PCDHGA3: variants seen among roughly 807,000 people sequenced by gnomAD.
PCDHGA3 encodes the protein protocadherin gamma subfamily A, 3.
Under a neutral mutation model 58.5 loss-of-function variants are expected in PCDHGA3, and 40 were observed. The ratio of observed to expected loss-of-function variants is 0.68; its 90% CI spans 0.53 to 0.89. PCDHGA3 has a LOEUF of 0.89. Among genes scored for constraint, PCDHGA3 ranks in the 40% least tolerant of loss-of-function variants. The pLI is 0.00. For synonymous variants in PCDHGA3, 530 were observed against 525.7 expected (o/e 1.01, Z -0.11); for missense variants, 1,223 against 1,195.9 (o/e 1.02, Z -0.33).
At chr5:141,390,334 A>T (rs764594293) in intron 1 of PCDHGA3, 1 of 1,597,538 alleles carries the variant, frequency 6.3e-7, no homozygotes, top group Non-Finnish European at 8.5e-7. Flanking sequence ...ATTTCTCCAT[A>T]TTCACAAGAA....
chr5:141,470,123 C>T (rs368463710), intron 1 of PCDHGA3, among the ~76,000 whole-genome samples: 11 of 151,234 alleles, frequency 7.3e-5, no homozygotes, highest in Admixed American at 3.3e-4. Flanking sequence ...AGCAAGACTT[C>T]GTCTCAAAAA....
chr5:141,350,066 G>A, intron 1 of PCDHGA3: 1 of 416,630 alleles, frequency 2.4e-6, no homozygotes, highest in Non-Finnish European at 4.2e-6. Context: ...GGAAGTGAAG[G>A]CTTCTCAATT....
Position 141,349,813 on chromosome 5 carries a change from G to GA in PCDHGA3, c.2424+3363dup, listed in dbSNP as rs1195442727. On this transcript the variant is annotated intron_variant, in intron 1 of 3. Coordinates refer to ENST00000253812, the MANE Select transcript of PCDHGA3 (RefSeq NM_018916.4). Reference sequence around the variant, plus strand: ...AAGATTTTTTTTTACCCCCAAAACTGAAAAAAATGGCAGTGTACCTTGTGA... The same window carrying GA: ...AAGATTTTTTTTTACCCCCAAAACTGAAAAAAAATGGCAGTGTACCTTGTGA... Among the ~76,000 whole-genome samples, 5 of 151,524 alleles carry GA rather than the reference G, an allele frequency of 3.3e-5. No individual in the cohort carries two copies. The South Asian group carries it at 6.2e-4, about 19-fold the overall frequency.
At position 141,487,570 on chromosome 5, in the gene PCDHGA3, T is replaced by A; in HGVS notation, c.2425-7237T>A. 6.2e-7 allele frequency: 1 copy of A among 1,614,178 alleles called. No homozygotes were observed. On this transcript the variant is annotated intron_variant, in intron 1 of 3. Transcript: ENST00000253812. The surrounding 1 kb of genome is among the most constrained non-coding windows in gnomAD (Gnocchi z 5.0). ...CCAGTGCACCTATGGCAGGGGAGCCTGTTCGCCCAAGCTGCCCACCCTCTG... is the reference window on the plus strand; with the variant it reads ...CCAGTGCACCTATGGCAGGGGAGCCAGTTCGCCCAAGCTGCCCACCCTCTG...
intron 1 of PCDHGA3, chr5:141,392,978 C>T: frequency 1.9e-6 from 3 of 1,613,808 alleles, no homozygotes; most frequent in South Asian, 1.1e-5. Context: ...TGGGGCTGGA[C>T]CCCCGGAAGC....
In PCDHGA3 at chr5:141,344,343, G is replaced by C. The variant is rs1436630815; in HGVS notation, c.310G>C (p.Val104Leu). ...CTGCGCTCAGATCCCGCTGTGTCTG[G>C]TAAAAATTAACATTCTGGTTGAGGA... ...ELCAQIPLCL[V>L]KINILVEDKL... Residue 104 changes from valine (V) to leucine (L), a missense_variant, in exon 1 of 4, where the codon GTA (valine) becomes CTA (leucine). By Grantham distance (32) the Val-to-Leu change is conservative (BLOSUM62 1). This residue lies in a region of PCDHGA3 where 791 missense variants were observed against 708.5 expected (regional missense o/e 1.12). Transcript: ENST00000253812. 1.2e-6 allele frequency: 2 copies of C among 1,613,962 alleles called. No homozygotes were observed. Among genetic ancestry groups the C allele is most frequent in the South Asian group, 1.1e-5 (1 of 91,054 alleles).
At position 141,431,389 on chromosome 5, in the gene PCDHGA3, G is replaced by A; in HGVS notation, c.2425-63418G>A. 2 of 1,613,876 alleles carry A rather than the reference G, an allele frequency of 1.2e-6. No individual in the cohort carries two copies. The highest frequency in any genetic ancestry group is 1.7e-6 in the Non-Finnish European group (2 of 1,180,040). ...GCGAAGAAAAGGCTGCTCACCACCT[G>A]GTCCTTACGGCCTCCGACGGGGGCG... On this transcript the variant is annotated intron_variant, in intron 1 of 3. Coordinates refer to ENST00000253812, the MANE Select transcript of PCDHGA3 (RefSeq NM_018916.4). This position sits in a 1 kb window ranked among gnomAD's most constrained non-coding sequence, Gnocchi z 4.8.
intron 1 of PCDHGA3, chr5:141,398,380 C>G: frequency 6.9e-7 from 1 of 1,455,908 alleles, no homozygotes; most frequent in South Asian, 1.2e-5. Flanking sequence ...CGGGGAGTTG[C>G]TTGTGAGCAG....
chr5:141,506,398 A>T (rs902405970), intron 3 of PCDHGA3, among the ~76,000 whole-genome samples: 6 of 151,394 alleles, frequency 4.0e-5, no homozygotes, highest in Admixed American at 2.6e-4. Context: ...GTGAGCAGAA[A>T]ATCGCACCAC....
intron 1 of PCDHGA3, chr5:141,366,256 C>A (rs751677361): frequency 6.2e-7 from 1 of 1,613,584 alleles, no homozygotes; most frequent in African/African-American, 1.3e-5. Flanking sequence ...AGCAGAGCCT[C>A]GTGGTGGCCG....
chr5:141,473,382 C>T (rs780229708), intron 1 of PCDHGA3, among the ~76,000 whole-genome samples: 3 of 152,190 alleles, frequency 2.0e-5, no homozygotes, highest in Non-Finnish European at 4.4e-5. Context: ...TGGTCCCTGC[C>T]CTCCTGGAGC....
chr5:141,368,302 A>G lies in PCDHGA3; in HGVS notation c.2424+21845A>G, dbSNP rs948478574. On this transcript the variant is annotated intron_variant, in intron 1 of 3. Transcript: ENST00000253812. The stretch of plus-strand genomic sequence containing the variant: ...ACCACTTGATTTTTATTTTTTAAAC[A>G]CTGTTAAAGAGCATTCAAGTATATC... 7.9e-5 allele frequency among the ~76,000 whole-genome samples: 12 copies of G among 152,282 alleles called. No individual in the cohort carries two copies. In the East Asian group the frequency reaches 2.3e-3, roughly 29 times the overall value.
chr5:141,404,429 G>A (rs760246804), intron 1 of PCDHGA3: 1 of 1,613,682 alleles, frequency 6.2e-7, no homozygotes, highest in East Asian at 2.2e-5. Flanking sequence ...CTCCTTGGCA[G>A]AGGATACCAT....
At position 141,511,871 on chromosome 5, in the gene PCDHGA3, A is replaced by T. The variant is rs1306732557; in HGVS notation, c.*698A>T. On this transcript the variant is annotated 3_prime_UTR_variant, in exon 4 of 4. Coordinates refer to ENST00000253812, the MANE Select transcript of PCDHGA3 (RefSeq NM_018916.4). ...TTGTTTTTCATTGTTTGACGTTTCCACTGCATGCCTTGACTTCCCCCACCT... is the reference window on the plus strand; with the variant it reads ...TTGTTTTTCATTGTTTGACGTTTCCTCTGCATGCCTTGACTTCCCCCACCT... 1 of 156,376 alleles carries T rather than the reference A, an allele frequency of 6.4e-6. No homozygotes were observed. The highest frequency in any genetic ancestry group is 1.9e-4 in the East Asian group (1 of 5,268). 9.7% of individuals were successfully genotyped at this position (156,376 alleles called of 1,614,324 possible).
In PCDHGA3 at chr5:141,370,028, G is replaced by A. The variant is rs549001136; in HGVS notation, c.2424+23571G>A. 2.6e-4 allele frequency among the ~76,000 whole-genome samples: 39 copies of A among 152,344 alleles called. No homozygotes were observed. In the South Asian group the frequency reaches 7.9e-3, roughly 31 times the overall value. On this transcript the variant is annotated intron_variant, in intron 1 of 3. Transcript: ENST00000253812. Reference sequence around the variant, plus strand: ...AAAGAAATAACAGACTAAAGATATAGTAAGTATATTTAATGTTTTTTAAAA... The same window carrying A: ...AAAGAAATAACAGACTAAAGATATAATAAGTATATTTAATGTTTTTTAAAA...
At position 141,476,499 on chromosome 5, in the gene PCDHGA3, T is replaced by A. The variant is rs763373223; in HGVS notation, c.2425-18308T>A. On this transcript the variant is annotated intron_variant, in intron 1 of 3. Coordinates refer to ENST00000253812, the MANE Select transcript of PCDHGA3 (RefSeq NM_018916.4). This position sits in a 1 kb window ranked among gnomAD's most constrained non-coding sequence, Gnocchi z 7.6. Reference sequence around the variant, plus strand: ...AGCGTGGAAGTGGTGATCCAGGACATCAACGACAACAATCCTGCTTTCCCT... The same window carrying A: ...AGCGTGGAAGTGGTGATCCAGGACAACAACGACAACAATCCTGCTTTCCCT... 3.1e-6 allele frequency: 5 copies of A among 1,613,992 alleles called. No individual in the cohort carries two copies. The South Asian group carries it at 5.5e-5, about 18-fold the overall frequency.
chr5:141,509,882 GTGAC>G (rs1186067105), intron 3 of PCDHGA3, among the ~76,000 whole-genome samples: 1 of 152,182 alleles, frequency 6.6e-6, no homozygotes, highest in Non-Finnish European at 1.5e-5. Context: ...GGTGGTGATG[GTGAC>G]TGACTGTCCC....
chr5:141,356,729 A>T, intron 1 of PCDHGA3: 3 of 1,613,954 alleles, frequency 1.9e-6, no homozygotes, highest in Non-Finnish European at 2.5e-6. Context: ...ATCAACTCCA[A>T]TACAGGGATC....
At chr5:141,428,010 G>A in intron 1 of PCDHGA3, 1 of 1,603,006 alleles carries the variant, frequency 6.2e-7, no homozygotes, top group Non-Finnish European at 8.5e-7. Flanking sequence ...CTTCGATATA[G>A]TGCCACGCGC....
Sources: gnomAD v4.1 joint callset for allele counts (sites outside exome capture counted in the v4.1 genomes callset) on GRCh38, gnomAD v4.1.1 for gene constraint, gnomAD v4.1.1 regional missense constraint, Gnocchi (gnomAD v3.1) non-coding constraint, MANE v1.5 for transcripts, NCBI Gene and HGNC (gene_info 2026-07-23, HGNC 2026-07-21) for gene names.